UBE2O: variants seen among roughly 807,000 people sequenced by gnomAD.
UBE2O encodes (E3-independent) E2 ubiquitin-conjugating enzyme.
Under a neutral mutation model 125.8 loss-of-function variants are expected in UBE2O, and 15 were observed. That is an observed-to-expected ratio of 0.12 (90% CI 0.08 to 0.18). UBE2O has a LOEUF of 0.18. UBE2O is among the 10% of genes least tolerant of loss of function. UBE2O has a pLI of 1.00. For missense variants in UBE2O, 1,280 were observed against 1,723.6 expected (o/e 0.74, Z 4.56); for synonymous variants, 708 against 703.2 (o/e 1.01, Z -0.11).
intron 5 of UBE2O, 133 bp downstream of exon 5, chr17:76,401,931 A>C: frequency 1.4e-6 from 1 of 722,368 alleles, no homozygotes; most frequent in East Asian, 3.1e-5. Context: ...AAACTTTTAG[A>C]CCCTCTGGCG....
In UBE2O at chr17:76,397,780, G is replaced by T; in HGVS notation, c.2115+19C>A. The T allele has an allele frequency of 6.2e-7, 1 of 1,612,906 alleles. No individual in the cohort carries two copies. The highest frequency in any genetic ancestry group is 8.5e-7 in the Non-Finnish European group (1 of 1,178,932). On this transcript the variant is annotated intron_variant, in intron 13 of 17. Coordinates refer to ENST00000319380, the MANE Select transcript of UBE2O (RefSeq NM_022066.4). ...GCCATAGTCACAAGCTCAGCAGGGG[G>T]GTCTTGCCAGAGCCTCACCTGGGGC...
rs1451717887 is a variant in UBE2O, at chr17:76,400,676, A to G, written c.895-126T>C. 7.5e-6 allele frequency: 5 copies of G among 670,502 alleles called. No homozygotes were observed. The highest frequency in any genetic ancestry group is 1.3e-5 in the Non-Finnish European group (5 of 395,632). 41.5% of individuals were successfully genotyped at this position (670,502 alleles called of 1,614,324 possible). A position where few individuals can be genotyped will look rare whatever the true frequency, so the allele number is the denominator to read the frequency against. Reference sequence around the variant, plus strand: ...ATCTTCCTAGTGCAGCACCAAGTACAGACACATCAGAGCAGGCCCCAACTG... The same window carrying G: ...ATCTTCCTAGTGCAGCACCAAGTACGGACACATCAGAGCAGGCCCCAACTG... On this transcript the variant is annotated intron_variant, in intron 6 of 17. Transcript: ENST00000319380. The surrounding 1 kb of genome is among the most constrained non-coding windows in gnomAD (Gnocchi z 4.3).
Position 76,405,392 on chromosome 17 carries a change from C to A in UBE2O, c.478-76G>T, listed in dbSNP as rs1160888521. 7 of 1,504,658 alleles carry A rather than the reference C, an allele frequency of 4.7e-6. No individual in the cohort carries two copies. Among genetic ancestry groups the A allele is most frequent in the Non-Finnish European group, 6.4e-6 (7 of 1,096,332 alleles). 93.2% of individuals were successfully genotyped at this position (1,504,658 alleles called of 1,614,324 possible). ...CCAGGGGAGACCCAGCCCAGGCAACCCCAGCGCACCCCCTGCAGAGCTGGC... is the reference window on the plus strand; with the variant it reads ...CCAGGGGAGACCCAGCCCAGGCAACACCAGCGCACCCCCTGCAGAGCTGGC... On this transcript the variant is annotated intron_variant, in intron 2 of 17. Coordinates refer to ENST00000319380, the MANE Select transcript of UBE2O (RefSeq NM_022066.4). The surrounding 1 kb of genome is among the most constrained non-coding windows in gnomAD (Gnocchi z 6.1).
Position 76,390,895 on chromosome 17 carries a change from G to A in UBE2O, c.*48C>T, listed in dbSNP as rs368179537. 69 of 1,533,996 alleles carry A rather than the reference G, an allele frequency of 4.5e-5. No homozygotes were observed. Among genetic ancestry groups the A allele is most frequent in the African/African-American group, 3.4e-4 (25 of 73,026 alleles). On this transcript the variant is annotated 3_prime_UTR_variant, in exon 18 of 18. Coordinates refer to ENST00000319380, the MANE Select transcript of UBE2O (RefSeq NM_022066.4). ...TGATTCCGGGGGGGAGTGAGCAGGC[G>A]GCGGCTGGCCTCTCCCACGGTGATG...
chr17:76,400,615 G>T lies in UBE2O; in HGVS notation c.895-65C>A. On this transcript the variant is annotated intron_variant, in intron 6 of 17. Transcript: ENST00000319380. The surrounding 1 kb of genome is among the most constrained non-coding windows in gnomAD (Gnocchi z 4.3). ...CTGACAGCACTCTCTTTAGCCAGCT[G>T]CCCAAAGCCCACTTGACCTCCAGAG... is the stretch of plus-strand genomic sequence containing the variant. 2 of 1,125,484 alleles carry T rather than the reference G, an allele frequency of 1.8e-6. No homozygotes were observed. Among genetic ancestry groups the T allele is most frequent in the Non-Finnish European group, 1.3e-6 (1 of 780,504 alleles). The allele number at this position is 1,125,484 out of a possible 1,614,324, so 69.7% of individuals were successfully genotyped here. A position where few individuals can be genotyped will look rare whatever the true frequency, so the allele number is the denominator to read the frequency against.
In UBE2O at chr17:76,398,487, A is replaced by C; in HGVS notation, c.1881T>G (p.Ser627Arg). 3 of 1,613,978 alleles carry C rather than the reference A, an allele frequency of 1.9e-6. No homozygotes were observed. Among genetic ancestry groups the C allele is most frequent in the Non-Finnish European group, 1.7e-6 (2 of 1,179,992 alleles). ...CTGCACACACCTCCACGTCGTCCCC[A>C]CTCGGCCTCAGCTTGAACCACTTCA... ...CMVKWFKLRP[S>R]GDDVELIGEE... is the part of the protein sequence containing the mutation. Residue 627 changes from serine (S) to arginine (R), a missense_variant, in exon 11 of 18, where the codon AGT becomes AGG. Physicochemically the swap from Ser to Arg is moderately radical, Grantham distance 110. Around this residue, in one of 10 missense-constraint regions of UBE2O, gnomAD observed 145 missense variants for 219.6 expected, o/e 0.66. Transcript: ENST00000319380. This position sits in a 1 kb window ranked among gnomAD's most constrained non-coding sequence, Gnocchi z 5.4.
chr17:76,448,011 G>A (rs2073178057), intron 1 of UBE2O, among the ~76,000 whole-genome samples: 1 of 152,156 alleles, frequency 6.6e-6, no homozygotes, highest in Non-Finnish European at 1.5e-5. Context: ...TCATTGCAGA[G>A]GGAGAAAATG....
rs150451487 is a variant in UBE2O, at chr17:76,435,615, C to T, written c.417+17110G>A. Among the ~76,000 whole-genome samples, 356 of 152,296 alleles carry T rather than the reference C, an allele frequency of 2.3e-3. 6 individuals carry two copies. Among genetic ancestry groups the T allele is most frequent in the African/African-American group, 7.7e-3 (320 of 41,550 alleles). On this transcript the variant is annotated intron_variant, in intron 1 of 17. Coordinates refer to ENST00000319380, the MANE Select transcript of UBE2O (RefSeq NM_022066.4). ...ACCACTGGTCAGGTGCTGTGCTGAG[C>T]CCTCTCGAAGGTGATCTCGTGCAAT...
At chr17:76,429,091 G>A (rs144685854) in intron 1 of UBE2O, among the ~76,000 whole-genome samples, 9,572 of 151,686 alleles carry the variant, frequency 0.063, 371 homozygotes, top group South Asian at 0.12. Context: ...TAGTAGAGAC[G>A]GGGTTTAACC....
intron 1 of UBE2O, among the ~76,000 whole-genome samples, chr17:76,428,890 G>A (rs966623589): frequency 9.9e-5 from 15 of 151,776 alleles, no homozygotes; most frequent in African/African-American, 3.6e-4. Flanking sequence ...GGGTAGAGGG[G>A]ACCCCTCTAC....
chr17:76,436,314 A>G (rs1425227589), intron 1 of UBE2O, among the ~76,000 whole-genome samples: 1 of 152,158 alleles, frequency 6.6e-6, no homozygotes, highest in Non-Finnish European at 1.5e-5. Context: ...TGAAATAATA[A>G]AGAGAAGTTA....
intron 1 of UBE2O, among the ~76,000 whole-genome samples, chr17:76,435,097 G>A (rs2072967814): frequency 6.6e-6 from 1 of 152,100 alleles, no homozygotes. Context: ...AGGCACTAAG[G>A]GATGAGATGC....
chr17:76,442,226 A>G (rs1303649191), intron 1 of UBE2O, among the ~76,000 whole-genome samples: 2 of 152,242 alleles, frequency 1.3e-5, no homozygotes, highest in Non-Finnish European at 2.9e-5. Context: ...AGTAGTAACT[A>G]CAATATGGTG....
chr17:76,446,041 A>G (rs116565085), intron 1 of UBE2O, among the ~76,000 whole-genome samples: 2,284 of 152,362 alleles, frequency 0.015, 60 homozygotes, highest in African/African-American at 0.051. Flanking sequence ...AGCCTCTTGT[A>G]AACTGGAAAG....
At chr17:76,392,207 G>T in intron 15 of UBE2O, 94 bp from the exon 16 acceptor site, 1 of 774,176 alleles carries the variant, frequency 1.3e-6, no homozygotes, top group East Asian at 2.8e-5. Context: ...CTCTTTCCCA[G>T]GACACTGTGC....
intron 1 of UBE2O, among the ~76,000 whole-genome samples, chr17:76,430,137 T>G (rs1169486177): frequency 6.6e-6 from 1 of 152,200 alleles, no homozygotes; most frequent in African/African-American, 2.4e-5. Flanking sequence ...CATTTCAGCC[T>G]CTGCTCTGCT....
intron 1 of UBE2O, among the ~76,000 whole-genome samples, chr17:76,443,341 T>G (rs1240354017): frequency 6.6e-6 from 1 of 152,034 alleles, no homozygotes; most frequent in East Asian, 1.9e-4. Flanking sequence ...CAGGCTGGAG[T>G]GCCGGGGCAC....
chr17:76,398,529 G>T lies in UBE2O; in HGVS notation c.1839C>A (p.Ile613=). 3.7e-6 allele frequency: 6 copies of T among 1,614,046 alleles called. No homozygotes were observed. The highest frequency in any genetic ancestry group is 4.2e-6 in the Non-Finnish European group (5 of 1,180,010). Residue 613 remains isoleucine, a synonymous_variant, in exon 11 of 18, where the codon ATC becomes ATA. Coordinates refer to ENST00000319380, the MANE Select transcript of UBE2O (RefSeq NM_022066.4). The surrounding 1 kb of genome is among the most constrained non-coding windows in gnomAD (Gnocchi z 5.4). The part of the protein sequence containing the change: ...VYGVVQSGDH[I]GRTCMVKWFK... Reference sequence around the variant, plus strand: ...ACCACTTCACCATGCAGGTACGGCCGATGTGGTCCCCAGACTGTACCACAC... The same window carrying T: ...ACCACTTCACCATGCAGGTACGGCCTATGTGGTCCCCAGACTGTACCACAC...
At chr17:76,426,011 T>C (rs970195302) in intron 1 of UBE2O, among the ~76,000 whole-genome samples, 1 of 152,176 alleles carries the variant, frequency 6.6e-6, no homozygotes, top group African/African-American at 2.4e-5. Flanking sequence ...TTCCAGCCCT[T>C]ACATGCCTAA....
Sources: allele counts gnomAD v4.1 joint callset (sites outside exome capture counted in the v4.1 genomes callset), GRCh38; gene constraint gnomAD v4.1.1; regional missense constraint gnomAD v4.1.1; non-coding constraint Gnocchi (gnomAD v3.1); transcripts MANE v1.5; gene names NCBI Gene and HGNC (gene_info 2026-07-23, HGNC 2026-07-21).